Variants in TACR3 observed in about 807,000 individuals in gnomAD.
The protein encoded by TACR3 is tachykinin receptor 3.
TACR3 carries 34 observed loss-of-function variants against 35.0 expected under a neutral mutation model. The ratio of observed to expected loss-of-function variants is 0.97; its 90% CI spans 0.74 to 1.30. TACR3 has a LOEUF of 1.30. Among genes scored for constraint, TACR3 ranks in the 50% most tolerant of loss-of-function variants. The pLI is 0.00. For synonymous variants in TACR3, 233 were observed against 221.1 expected, an observed-to-expected ratio of 1.05 and a Z score of -0.48; for missense variants, 558 against 591.7, an observed-to-expected ratio of 0.94 and a Z score of 0.59.
In TACR3 at chr4:103,591,674, T is replaced by C. The variant is rs1723900915; in HGVS notation, c.898A>G (p.Met300Val). 6.2e-7 allele frequency: 1 copy of C among 1,612,536 alleles called. No individual in the cohort carries two copies. Among genetic ancestry groups the C allele is most frequent in the Non-Finnish European group, 8.5e-7 (1 of 1,179,394 alleles). Residue 300 changes from methionine (M) to valine (V), a missense_variant, in exon 4 of 5, where the codon ATG becomes GTG. Physicochemically the swap from Met to Val is conservative, Grantham distance 21. Coordinates refer to ENST00000304883, the MANE Select transcript of TACR3 (RefSeq NM_001059.3). ...QLKAKRKVVK[M>V]MIIVVMTFAI... The stretch of plus-strand genomic sequence containing the variant: ...AATGTCATGACAACAATAATCATCA[T>C]TTTGACAACCTATAAAGAAAAAAAG...
intron 3 of TACR3, among the ~76,000 whole-genome samples, chr4:103,635,884 T>C (rs1057378947): frequency 1.3e-5 from 2 of 152,010 alleles, no homozygotes; most frequent in Non-Finnish European, 2.9e-5. Context: ...TGAATTTCAA[T>C]TCTCTTTCCA....
intron 3 of TACR3, among the ~76,000 whole-genome samples, chr4:103,649,000 C>T (rs1314122074): frequency 6.6e-6 from 1 of 152,058 alleles, no homozygotes; most frequent in African/African-American, 2.4e-5. Flanking sequence ...AAAATGATAA[C>T]TCATTGTAGT....
chr4:103,704,725 G>T (rs547530332), intron 1 of TACR3, among the ~76,000 whole-genome samples: 1 of 152,178 alleles, frequency 6.6e-6, no homozygotes, highest in South Asian at 2.1e-4. Context: ...GATTTGTGTG[G>T]GGAAACAGAG....
At chr4:103,682,517 T>C (rs1722122749) in intron 1 of TACR3, among the ~76,000 whole-genome samples, 1 of 152,042 alleles carries the variant, frequency 6.6e-6, no homozygotes, top group Non-Finnish European at 1.5e-5. Context: ...GAGAACAGCA[T>C]GGGAGAAACC....
intron 1 of TACR3, among the ~76,000 whole-genome samples, chr4:103,685,949 G>A (rs1722218542): frequency 6.6e-6 from 1 of 152,150 alleles, no homozygotes; most frequent in Non-Finnish European, 1.5e-5. Context: ...GGCTGACTTT[G>A]TTTAGTGAAA....
In TACR3 at chr4:103,591,432, T is replaced by C. The variant is rs967277820; in HGVS notation, c.1085+55A>G. On this transcript the variant is annotated intron_variant, in intron 4 of 4. Coordinates refer to ENST00000304883, the MANE Select transcript of TACR3 (RefSeq NM_001059.3). ...CAAGAAAATGGAACAACATTGTATGTTTCCAGTGAAGGTGGGTGTGACAAG... is the reference window on the plus strand; with the variant it reads ...CAAGAAAATGGAACAACATTGTATGCTTCCAGTGAAGGTGGGTGTGACAAG... The C allele has an allele frequency of 4.4e-6, 7 of 1,590,078 alleles. No individual in the cohort carries two copies. In the South Asian group the frequency reaches 7.7e-5, roughly 18 times the overall value.
At chr4:103,601,720 C>G (rs957773128) in intron 3 of TACR3, among the ~76,000 whole-genome samples, 1 of 152,216 alleles carries the variant, frequency 6.6e-6, no homozygotes, top group Non-Finnish European at 1.5e-5. Context: ...GGTCTCCACT[C>G]TCTTCTGGCT....
chr4:103,620,006 CA>C (rs1724740577), intron 3 of TACR3, among the ~76,000 whole-genome samples: 1 of 150,820 alleles, frequency 6.6e-6, no homozygotes, highest in African/African-American at 2.4e-5. Flanking sequence ...ATGTACCTGA[CA>C]AATGTCTGAT....
chr4:103,701,493 C>T (rs543837262), intron 1 of TACR3, among the ~76,000 whole-genome samples: 2,024 of 152,178 alleles, frequency 0.013, 19 homozygotes, highest in South Asian at 0.022. Context: ...TTTATAGATT[C>T]AATGCCATCC....
intron 1 of TACR3, among the ~76,000 whole-genome samples, chr4:103,709,961 A>G (rs1314650381): frequency 1.3e-5 from 2 of 152,064 alleles, no homozygotes; most frequent in East Asian, 1.9e-4. Context: ...AGAGCTAACT[A>G]TCCTAAATGT....
intron 3 of TACR3, among the ~76,000 whole-genome samples, chr4:103,655,001 A>G (rs1464968749): frequency 6.6e-6 from 1 of 152,138 alleles, no homozygotes; most frequent in African/African-American, 2.4e-5. Context: ...TGTGCACATT[A>G]TTTTTAAGTA....
At chr4:103,636,816 G>A (rs1374628566) in intron 3 of TACR3, among the ~76,000 whole-genome samples, 2 of 152,094 alleles carry the variant, frequency 1.3e-5, no homozygotes, top group Admixed American at 6.6e-5. Flanking sequence ...ACACCTGTAT[G>A]CAAATAAACT....
chr4:103,620,755 G>A (rs1368392709), intron 3 of TACR3, among the ~76,000 whole-genome samples: 1 of 151,968 alleles, frequency 6.6e-6, no homozygotes, highest in East Asian at 1.9e-4. Context: ...GAGGGTGGGG[G>A]TGGATTTAAA....
intron 1 of TACR3, among the ~76,000 whole-genome samples, chr4:103,709,922 A>C (rs1355618446): frequency 6.6e-6 from 1 of 152,210 alleles, no homozygotes; most frequent in Non-Finnish European, 1.5e-5. Flanking sequence ...AGGCCATTAC[A>C]TAATGGTAAA....
At chr4:103,620,307 A>G (rs6533102) in intron 3 of TACR3, among the ~76,000 whole-genome samples, 81,302 of 152,028 alleles carry the variant, frequency 0.53, 22,241 homozygotes, top group Middle Eastern at 0.61. Context: ...CACTATTGGT[A>G]GGAACATAAA....
intron 1 of TACR3, among the ~76,000 whole-genome samples, chr4:103,690,023 A>AAAAT (rs1722364605): frequency 6.6e-6 from 1 of 152,174 alleles, no homozygotes; most frequent in Non-Finnish European, 1.5e-5. Context: ...CTTTTCATTG[A>AAAAT]AAATAATGAA....
At chr4:103,661,407 G>A (rs1013101603) in intron 1 of TACR3, among the ~76,000 whole-genome samples, 12 of 152,112 alleles carry the variant, frequency 7.9e-5, no homozygotes, top group African/African-American at 2.9e-4. Context: ...CCAAGCACCT[G>A]TCAATAAATT....
intron 1 of TACR3, among the ~76,000 whole-genome samples, chr4:103,660,034 C>T (rs1203566865): frequency 2.6e-5 from 4 of 151,866 alleles, no homozygotes; most frequent in South Asian, 4.2e-4. Flanking sequence ...GAATGAATAT[C>T]GCATAGGCCA....
chr4:103,602,326 T>A (rs1395176467), intron 3 of TACR3, among the ~76,000 whole-genome samples: 2 of 152,158 alleles, frequency 1.3e-5, no homozygotes, highest in Non-Finnish European at 2.9e-5. Context: ...TTGCCATTGG[T>A]TTGAATTTCT....
Sources: allele counts gnomAD v4.1 joint callset (sites outside exome capture counted in the v4.1 genomes callset), GRCh38; gene constraint gnomAD v4.1.1; transcripts MANE v1.5; gene names NCBI Gene and HGNC (gene_info 2026-07-23, HGNC 2026-07-21).